Variants in LIMCH1 observed in about 807,000 individuals in gnomAD.
LIMCH1 encodes LIM and calponin homology domains-containing protein 1.
A neutral mutation model predicts 176.5 loss-of-function variants in LIMCH1; 113 were observed. The observed-to-expected ratio is 0.64, with a 90% CI of 0.55 to 0.75. LIMCH1 has a LOEUF of 0.75. Ranked by LOEUF, LIMCH1 falls within the 30% of genes least tolerant of loss-of-function variation. LIMCH1 has a pLI of 0.00. For missense variants in LIMCH1, 1,674 were observed against 1,814.9 expected (o/e 0.92, Z 1.41); for synonymous variants, 619 against 645.9 (o/e 0.96, Z 0.63).
At chr4:41,400,007 T>G (rs920467079) in intron 1 of LIMCH1, among the ~76,000 whole-genome samples, 1 of 135,518 alleles carries the variant, frequency 7.4e-6, no homozygotes, top group Admixed American at 7.3e-5. Context: ...TTCATTTCCA[T>G]TTTTTTTTTT....
Position 41,619,367 on chromosome 4 carries a change from A to G in LIMCH1, c.385A>G (p.Lys129Glu). The change falls in exon 6 of 32, where the codon AAA (lysine) becomes GAA (glutamate). Residue 129 changes from lysine to glutamate, a missense_variant. Physicochemically the swap from Lys to Glu is moderately conservative, Grantham distance 56. This residue lies in a region of LIMCH1 where 655 missense variants were observed against 692.2 expected (regional missense o/e 0.95). Coordinates refer to ENST00000503057, the MANE Select transcript of LIMCH1 (RefSeq NM_001330672.2). ...AYVPAPLRKK[K>E]AEREEYRKSW... ...CGTCCCCGCGCCTCTGAGAAAGAAG[A>G]AAGCAGAGAGAGAGGAATACCGCAA... is the stretch of plus-strand genomic sequence containing the variant. The G allele has an allele frequency of 6.2e-7, 1 of 1,614,136 alleles. No homozygotes were observed.
At chr4:41,385,179 C>T (rs1264171714) in intron 1 of LIMCH1, among the ~76,000 whole-genome samples, 1 of 152,206 alleles carries the variant, frequency 6.6e-6, no homozygotes, top group East Asian at 1.9e-4. Flanking sequence ...AATGAATGCA[C>T]TTCCTTCATC....
intron 1 of LIMCH1, among the ~76,000 whole-genome samples, chr4:41,381,257 A>G (rs1195465422): frequency 6.6e-6 from 1 of 152,232 alleles, no homozygotes; most frequent in Non-Finnish European, 1.5e-5. Context: ...CTAAATTTAA[A>G]TAACTGTACA....
At chr4:41,553,126 G>A (rs763957816) in intron 1 of LIMCH1, among the ~76,000 whole-genome samples, 4 of 152,142 alleles carry the variant, frequency 2.6e-5, no homozygotes, top group East Asian at 1.9e-4. Flanking sequence ...TGGTCTCTGC[G>A]AGATCTCTCG....
In LIMCH1 at chr4:41,399,685, C is replaced by CTTTTTTTTTT. The variant is rs56174007; in HGVS notation, c.96+38755_96+38764dup. 3.8e-3 allele frequency among the ~76,000 whole-genome samples: 364 copies of CTTTTTTTTTT among 95,764 alleles called. 55 individuals are homozygous for CTTTTTTTTTT. The highest frequency in any genetic ancestry group is 0.01 in the African/African-American group (227 of 22,564). The allele number at this position is 95,764 out of a possible 152,430, so 62.8% of individuals were successfully genotyped here. A position where few individuals can be genotyped will look rare whatever the true frequency, so the allele number is the denominator to read the frequency against. On this transcript the variant is annotated intron_variant, in intron 1 of 26. Coordinates refer to the LIMCH1 transcript ENST00000313860. ...GTAACAATCCTATGAGGTGGATACT[C>CTTTTTTTTTT]TTTTTTTTTTTTTTTGAGATGGAGT... is the stretch of plus-strand genomic sequence containing the variant.
At chr4:41,436,668 A>C (rs2062113958) in intron 1 of LIMCH1, among the ~76,000 whole-genome samples, 1 of 152,166 alleles carries the variant, frequency 6.6e-6, no homozygotes, top group African/African-American at 2.4e-5. Context: ...CAGAATGCAG[A>C]AATTTCCAAA....
chr4:41,467,186 C>T (rs1363192851), intron 1 of LIMCH1, among the ~76,000 whole-genome samples: 16 of 145,082 alleles, frequency 1.1e-4, no homozygotes, highest in Middle Eastern at 3.5e-3. Context: ...CACACACACA[C>T]ACACACACAC....
At chr4:41,417,095 C>T (rs557991377) in intron 1 of LIMCH1, among the ~76,000 whole-genome samples, 4 of 94,368 alleles carry the variant, frequency 4.2e-5, no homozygotes, top group Non-Finnish European at 6.2e-5. Context: ...GGCATTGCTT[C>T]TTTGTGAGGG....
intron 1 of LIMCH1, among the ~76,000 whole-genome samples, chr4:41,409,592 A>G (rs2059298706): frequency 6.6e-6 from 1 of 152,204 alleles, no homozygotes; most frequent in Non-Finnish European, 1.5e-5. Context: ...CATCTATGTT[A>G]GGGAAGAGGG....
At chr4:41,371,462 C>T (rs932015063) in intron 1 of LIMCH1, among the ~76,000 whole-genome samples, 2 of 152,258 alleles carry the variant, frequency 1.3e-5, no homozygotes, top group Admixed American at 6.5e-5. Context: ...GTCTTTTTCT[C>T]CTTGATTGGA....
intron 29 of LIMCH1, chr4:41,688,955 C>T (rs1235520701): frequency 6.6e-6 from 1 of 152,266 alleles, no homozygotes; most frequent in African/African-American, 2.4e-5. Context: ...GAAAGAGAAA[C>T]CCAGAGTTAG....
intron 1 of LIMCH1, among the ~76,000 whole-genome samples, chr4:41,437,888 C>T (rs557029424): frequency 6.6e-6 from 1 of 152,230 alleles, no homozygotes; most frequent in South Asian, 2.1e-4. Context: ...GAATTTTTTG[C>T]TTTCACAATG....
intron 4 of LIMCH1, among the ~76,000 whole-genome samples, chr4:41,607,139 T>C (rs2090839919): frequency 6.6e-6 from 1 of 152,186 alleles, no homozygotes; most frequent in Admixed American, 6.5e-5. Context: ...AGAGGACAAA[T>C]AATTGAGGCC....
chr4:41,402,380 A>G (rs1348068962), intron 1 of LIMCH1, among the ~76,000 whole-genome samples: 1 of 151,120 alleles, frequency 6.6e-6, no homozygotes, highest in East Asian at 1.9e-4. Flanking sequence ...GGTTGGTGGG[A>G]CTGTAAACTA....
chr4:41,360,026 G>GGTGTGT (rs35179191), upstream of LIMCH1, among the ~76,000 whole-genome samples: 4,349 of 145,836 alleles, frequency 0.03, 87 homozygotes, highest in South Asian at 0.075. The surrounding 1 kb of genome is among the most constrained non-coding windows in gnomAD (Gnocchi z 4.5). Context: ...GGGTGTGTAG[G>GGTGTGT]GTGTGTGTGT....
At chr4:41,692,962 G>A (rs1160341902) in intron 31 of LIMCH1, 1 of 152,234 alleles carries the variant, frequency 6.6e-6, no homozygotes, top group South Asian at 2.1e-4. Context: ...CAAATTATTT[G>A]CTGCCTTAGT....
upstream of LIMCH1, among the ~76,000 whole-genome samples, chr4:41,534,263 C>A (rs528942939): frequency 2.0e-5 from 3 of 152,030 alleles, no homozygotes; most frequent in African/African-American, 7.2e-5. Flanking sequence ...ATGACACACA[C>A]CATTTTTAAA....
chr4:41,425,544 G>T (rs963725162), intron 1 of LIMCH1, among the ~76,000 whole-genome samples: 1 of 151,922 alleles, frequency 6.6e-6, no homozygotes, highest in Non-Finnish European at 1.5e-5. Flanking sequence ...ACAGGGTTTC[G>T]CCATGTTGGC....
intron 22 of LIMCH1, 66 bp from the exon 23 acceptor site, chr4:41,676,316 T>C: frequency 1.5e-6 from 2 of 1,326,346 alleles, no homozygotes; most frequent in Non-Finnish European, 2.1e-6. Flanking sequence ...AATTGTCTAC[T>C]CTTCACCCGG....
Sources: allele counts gnomAD v4.1 joint callset (sites outside exome capture counted in the v4.1 genomes callset), GRCh38; gene constraint gnomAD v4.1.1; regional missense constraint gnomAD v4.1.1; non-coding constraint Gnocchi (gnomAD v3.1); transcripts MANE v1.5; gene names NCBI Gene and HGNC (gene_info 2026-07-23, HGNC 2026-07-21).